SGF29: variants seen among roughly 807,000 people sequenced by gnomAD.
SGF29 encodes SAGA-associated factor 29.
SGF29 carries 15 observed loss-of-function variants against 38.1 expected under a neutral mutation model. The ratio of observed to expected loss-of-function variants is 0.39; its 90% confidence interval spans 0.26 to 0.61. The LOEUF is 0.61. Among genes scored for constraint, SGF29 ranks in the 20% least tolerant of loss-of-function variants. SGF29 has a pLI of 0.49. For missense variants in SGF29, 184 were observed against 394.6 expected (o/e 0.47, Z 4.52); for synonymous variants, 151 against 160.8 (o/e 0.94, Z 0.46).
At chr16:28,555,319 T>A (rs2046743092) in intron 1 of SGF29, among the ~76,000 whole-genome samples, 3 of 148,474 alleles carry the variant, frequency 2.0e-5, no homozygotes, top group African/African-American at 5.0e-5. Flanking sequence ...AAAAAAAAAA[T>A]TAAAAAATTA....
At chr16:28,563,912 A>G (rs993478983) in intron 1 of SGF29, among the ~76,000 whole-genome samples, 2 of 151,836 alleles carry the variant, frequency 1.3e-5, no homozygotes, top group African/African-American at 4.8e-5. Flanking sequence ...ACACCTGGCT[A>G]ATTTTTGTAT....
In SGF29 at chr16:28,589,234, A is replaced by C. The variant is rs1596609088; in HGVS notation, c.289+70A>C. The C allele has an allele frequency of 7.1e-6, 11 of 1,549,404 alleles. No individual in the cohort carries two copies. In the Middle Eastern group the frequency reaches 7.6e-4, roughly 107 times the overall value. On this transcript the variant is annotated intron_variant, in intron 5 of 9. Transcript: ENST00000317058. ...AGGAGAGGCCCTGCGGGCAGCAGTC[A>C]CCCTCCTGTGGGGGCCTGTGGCCAC...
At chr16:28,583,058 A>C (rs1447061214) in intron 2 of SGF29, among the ~76,000 whole-genome samples, 1 of 152,234 alleles carries the variant, frequency 6.6e-6, no homozygotes, top group African/African-American at 2.4e-5. Flanking sequence ...GCTGCTGCCG[A>C]GTTCCCAGAC....
At chr16:28,591,082 A>C in intron 9 of SGF29, 147 bp downstream of exon 9, 3 of 1,057,434 alleles carry the variant, frequency 2.8e-6, no homozygotes, top group East Asian at 2.7e-5. Flanking sequence ...TCCCTCTTCC[A>C]CTCCAGCCCC....
intron 1 of SGF29, among the ~76,000 whole-genome samples, chr16:28,577,926 C>T (rs775701307): frequency 1.3e-5 from 2 of 152,134 alleles, no homozygotes; most frequent in African/African-American, 2.4e-5. Flanking sequence ...GAAAATTAGT[C>T]GACCATTTCT....
intron 4 of SGF29, among the ~76,000 whole-genome samples, chr16:28,586,273 G>A (rs1309064563): frequency 2.0e-5 from 3 of 151,904 alleles, no homozygotes; most frequent in Non-Finnish European, 4.4e-5. Flanking sequence ...TCTTAAGGCC[G>A]GGCAGGCACA....
At chr16:28,565,345 C>T (rs1234317325) in intron 1 of SGF29, among the ~76,000 whole-genome samples, 2 of 152,168 alleles carry the variant, frequency 1.3e-5, no homozygotes, top group Non-Finnish European at 2.9e-5. Flanking sequence ...GATTAACCAT[C>T]ACACCTGGAA....
At chr16:28,587,561 TC>T (rs2046962225) in intron 4 of SGF29, among the ~76,000 whole-genome samples, 2 of 152,212 alleles carry the variant, frequency 1.3e-5, no homozygotes, top group African/African-American at 4.8e-5. Flanking sequence ...TTGGCCTACC[TC>T]CATCTTCTGG....
Position 28,566,954 on chromosome 16 carries a change from G to A in SGF29, c.-16+12857G>A, listed in dbSNP as rs532072772. On this transcript the variant is annotated intron_variant, in intron 1 of 9. Transcript: ENST00000317058. ...CAAACTGCTGCAATTACAGGGGTGA[G>A]CCACCGTACCCCACCAGTTAATTGG... Among the ~76,000 whole-genome samples, 3 of 152,198 alleles carry A rather than the reference G, an allele frequency of 2.0e-5. 1 individual carries two copies. The highest frequency in any genetic ancestry group is 6.8e-3 in the Middle Eastern group (2 of 294).
intron 5 of SGF29, 96 bp downstream of exon 5, chr16:28,589,260 C>A: frequency 8.1e-7 from 1 of 1,239,506 alleles, no homozygotes; most frequent in Non-Finnish European, 1.2e-6. Flanking sequence ...CTGTGGCCAC[C>A]ACCTGCTGGC....
intron 1 of SGF29, among the ~76,000 whole-genome samples, chr16:28,574,462 A>G (rs569615202): frequency 1.3e-5 from 2 of 152,312 alleles, no homozygotes; most frequent in South Asian, 2.1e-4. Flanking sequence ...CTTAATGTGC[A>G]TGCTCAGGAA....
chr16:28,579,257 C>CTTTTTTT (rs570774951), intron 1 of SGF29, among the ~76,000 whole-genome samples: 2 of 134,794 alleles, frequency 1.5e-5, no homozygotes, highest in Non-Finnish European at 3.2e-5. Context: ...TTCTAATTAT[C>CTTTTTTT]TTTTTTTTTT....
chr16:28,560,538 G>A (rs540321021), intron 1 of SGF29, among the ~76,000 whole-genome samples: 16 of 148,028 alleles, frequency 1.1e-4, no homozygotes, highest in Non-Finnish European at 5.9e-5. Flanking sequence ...GCAGTGAGCC[G>A]AGGTTACACC....
At chr16:28,580,803 T>C (rs2046920569) in intron 1 of SGF29, among the ~76,000 whole-genome samples, 1 of 152,118 alleles carries the variant, frequency 6.6e-6, no homozygotes, top group Non-Finnish European at 1.5e-5. Flanking sequence ...CACCTTAGCT[T>C]CTCGAATAGC....
In SGF29 at chr16:28,581,127, C is replaced by T. The variant is rs1189185636; in HGVS notation, c.58C>T (p.Leu20=). The T allele has an allele frequency of 6.2e-7, 1 of 1,614,066 alleles. No individual in the cohort carries two copies. The highest frequency in any genetic ancestry group is 1.1e-5 in the South Asian group (1 of 91,046). ...AGAACTTCTCACAGAGCTCCATCAG[C>T]TGATCAAACAAACCCAGGTAAAAAG... ...IAELLTELHQ[L]IKQTQEERSR... Residue 20 remains leucine (L), a synonymous_variant, in exon 2 of 10, where the codon CTG becomes TTG. Coordinates refer to ENST00000317058, the MANE Select transcript of SGF29 (RefSeq NM_138414.3).
intron 1 of SGF29, among the ~76,000 whole-genome samples, chr16:28,564,763 G>GTATATATGTA (rs2046825009): frequency 2.8e-5 from 1 of 35,660 alleles, no homozygotes; most frequent in Non-Finnish European, 4.8e-5. Flanking sequence ...ATGTATATAT[G>GTATATATGTA]TATATATATG....
chr16:28,574,853 T>C (rs1470941932), intron 1 of SGF29, among the ~76,000 whole-genome samples: 1 of 152,204 alleles, frequency 6.6e-6, no homozygotes, highest in Non-Finnish European at 1.5e-5. Flanking sequence ...CCACTTCCAA[T>C]CTGTGATCTA....
At chr16:28,589,067 C>G (rs565733297) in intron 4 of SGF29, 33 bp from the exon 5 acceptor site, 1 of 1,612,982 alleles carries the variant, frequency 6.2e-7, no homozygotes, top group African/African-American at 1.3e-5. Context: ...GTACGTTAAC[C>G]AAACCCTCTT....
chr16:28,584,881 A>G, intron 2 of SGF29, 32 bp from the exon 3 acceptor site: 1 of 1,573,008 alleles, frequency 6.4e-7, no homozygotes, highest in African/African-American at 1.4e-5. Context: ...ACAAAGGGCC[A>G]CCGTCATGTC....
Sources: gnomAD v4.1 joint callset for allele counts (sites outside exome capture counted in the v4.1 genomes callset) on GRCh38, gnomAD v4.1.1 for gene constraint, MANE v1.5 for transcripts, NCBI Gene and HGNC (gene_info 2026-07-23, HGNC 2026-07-21) for gene names.